DMD: variants seen among roughly 807,000 people sequenced by gnomAD.
DMD encodes the protein dystrophin, also known as mutant dystrophin.
Under a neutral mutation model 330.1 loss-of-function variants are expected in DMD, and 63 were observed. That is an observed-to-expected ratio of 0.19 (90% CI 0.16 to 0.24). The LOEUF is 0.24. Ranked by LOEUF, DMD falls within the 10% of genes least tolerant of loss-of-function variation. The pLI is 1.00. For synonymous variants in DMD, 1,223 were observed against 959.8 expected (o/e 1.27, Z -5.07); for missense variants, 3,344 against 2,684.1 (o/e 1.25, Z -5.43).
At chrX:32,141,009 T>C (rs1256452227) in intron 44 of DMD, among the ~76,000 whole-genome samples, 8 of 111,995 alleles carry the variant, frequency 7.1e-5, no homozygotes, top group African/African-American at 9.7e-5. Flanking sequence ...ATTAGGTTTA[T>C]GTTTTTGAGA....
intron 1 of DMD, among the ~76,000 whole-genome samples, chrX:33,191,622 C>T (rs2050653244): frequency 9.0e-6 from 1 of 111,135 alleles, no homozygotes; most frequent in Admixed American, 9.6e-5. Flanking sequence ...CGGGGTTACA[C>T]CATGTTGGCC....
chrX:32,594,161 C>G (rs1248211944), intron 13 of DMD, among the ~76,000 whole-genome samples: 1 of 111,820 alleles, frequency 8.9e-6, no homozygotes, highest in Non-Finnish European at 1.9e-5. Context: ...GCAGATATAT[C>G]CTATTGGAAG....
chrX:32,330,276 TATCAG>T (rs2097672685), intron 41 of DMD, among the ~76,000 whole-genome samples: 1 of 112,365 alleles, frequency 8.9e-6, no homozygotes, highest in Admixed American at 9.5e-5. Context: ...GCAGGAGAAT[TATCAG>T]ATAACTTACC....
At chrX:32,118,977 T>C (rs1044151709) in intron 44 of DMD, among the ~76,000 whole-genome samples, 2 of 111,180 alleles carry the variant, frequency 1.8e-5, no homozygotes, top group African/African-American at 6.6e-5. Context: ...GTGGTAATGC[T>C]GGCGGCCCTG....
chrX:32,118,464 C>A (rs759704405), intron 44 of DMD, among the ~76,000 whole-genome samples: 244 of 110,772 alleles, frequency 2.2e-3, no homozygotes, highest in African/African-American at 7.6e-3. Context: ...TGGGCTAAAC[C>A]CAAGGAACTT....
intron 59 of DMD, among the ~76,000 whole-genome samples, chrX:31,466,638 T>A (rs1179706291): frequency 1.8e-5 from 2 of 112,108 alleles, no homozygotes; most frequent in South Asian, 3.7e-4. Flanking sequence ...TTGACTTGGC[T>A]ATGTGGGCTC....
chrX:32,878,202 CATCT>C (rs2083534444), intron 2 of DMD, among the ~76,000 whole-genome samples: 1 of 110,971 alleles, frequency 9.0e-6, no homozygotes, highest in African/African-American at 3.3e-5. Context: ...GGTGAAACCC[CATCT>C]CTCTCTAATA....
intron 1 of DMD, among the ~76,000 whole-genome samples, chrX:33,224,328 C>A (rs1213779715): frequency 8.9e-6 from 1 of 112,026 alleles, no homozygotes; most frequent in African/African-American, 3.2e-5. Flanking sequence ...TTGGAAACAA[C>A]AAGATGTTCT....
intron 1 of DMD, among the ~76,000 whole-genome samples, chrX:33,247,465 G>T (rs1340609881): frequency 9.0e-6 from 1 of 111,614 alleles, no homozygotes; most frequent in Non-Finnish European, 1.9e-5. Flanking sequence ...TTTAACTTCT[G>T]TACTCCATAT....
intron 55 of DMD, among the ~76,000 whole-genome samples, chrX:31,555,624 C>T (rs1306676909): frequency 9.0e-6 from 1 of 111,694 alleles, no homozygotes; most frequent in Non-Finnish European, 1.9e-5. Flanking sequence ...ACAGCTGTGG[C>T]CATGCATTCT....
chrX:32,744,193 AT>A (rs766359838), intron 7 of DMD, among the ~76,000 whole-genome samples: 1,252 of 102,050 alleles, frequency 0.012, 15 homozygotes, highest in African/African-American at 0.03. Flanking sequence ...CATTCTTACA[AT>A]TTTTTTTTTT....
intron 3 of DMD, 44 bp from the exon 4 acceptor site, chrX:32,844,904 CG>C (rs776291714): frequency 1.7e-4 from 174 of 1,002,938 alleles, no homozygotes; most frequent in Non-Finnish European, 1.6e-4. Flanking sequence ...GCAGAGAGAC[CG>C]ACAATCTACT....
intron 2 of DMD, among the ~76,000 whole-genome samples, chrX:32,880,285 A>C (rs1247828549): frequency 1.3e-5 from 1 of 75,915 alleles, no homozygotes; most frequent in African/African-American, 4.6e-5. Context: ...CAACAGGGCC[A>C]AAAAAAAAAA....
chrX:31,289,273 T>A (rs377624966), intron 62 of DMD, among the ~76,000 whole-genome samples: 5,285 of 57,958 alleles, frequency 0.091, 750 homozygotes, highest in African/African-American at 0.26. Flanking sequence ...AAATAAAAAA[T>A]AAAATAAAAT....
chrX:32,254,418 TG>T (rs2097290415), intron 43 of DMD, among the ~76,000 whole-genome samples: 1 of 112,063 alleles, frequency 8.9e-6, no homozygotes, highest in Non-Finnish European at 1.9e-5. Flanking sequence ...AAGTGGTTTT[TG>T]AAAAGGAAAA....
chrX:32,394,930 A>C (rs2098032957), intron 30 of DMD, among the ~76,000 whole-genome samples: 3 of 89,401 alleles, frequency 3.4e-5, no homozygotes, highest in African/African-American at 7.8e-5. Context: ...AAAAAAAAAA[A>C]AAAGAAAAGA....
intron 13 of DMD, among the ~76,000 whole-genome samples, chrX:32,580,433 A>C (rs1360933455): frequency 8.9e-6 from 1 of 112,107 alleles, no homozygotes; most frequent in Non-Finnish European, 1.9e-5. Context: ...CAACTTTGTA[A>C]TATCTGTGAA....
intron 2 of DMD, among the ~76,000 whole-genome samples, chrX:32,982,488 AG>A (rs1434197000): frequency 8.9e-6 from 1 of 111,952 alleles, no homozygotes; most frequent in African/African-American, 3.2e-5. Context: ...CTCATGAAAA[AG>A]TCTATTTAGG....
At chrX:31,413,036 T>A (rs188143389) in intron 60 of DMD, among the ~76,000 whole-genome samples, 2 of 111,918 alleles carry the variant, frequency 1.8e-5, no homozygotes, top group East Asian at 5.6e-4. Context: ...CATATAACCA[T>A]CGCTATACCT....
Sources: allele counts gnomAD v4.1 joint callset (sites outside exome capture counted in the v4.1 genomes callset), GRCh38; gene constraint gnomAD v4.1.1; transcripts MANE v1.5; gene names NCBI Gene and HGNC (gene_info 2026-07-23, HGNC 2026-07-21).